The following GFOD1 variants were observed in gnomAD, a reference collection of about 807,000 sequenced individuals.
GFOD1 encodes Gfo/Idh/MocA-like oxidoreductase domain containing 1, also known as glucose-fructose oxidoreductase domain-containing protein 1.
In GFOD1, 9 loss-of-function variants were observed where a neutral mutation model predicts 25.4. The ratio of observed to expected loss-of-function variants is 0.35; its 90% CI spans 0.21 to 0.62. The LOEUF is 0.62. Ranked by LOEUF, GFOD1 falls within the 20% of genes least tolerant of loss-of-function variation. The pLI, the probability that GFOD1 is intolerant of heterozygous loss-of-function variation, is 0.72. For synonymous variants in GFOD1, 253 were observed against 245.6 expected (o/e 1.03, Z -0.28); for missense variants, 403 against 556.9 (o/e 0.72, Z 2.78).
intron 1 of GFOD1, among the ~76,000 whole-genome samples, chr6:13,435,679 G>A (rs1425591912): frequency 6.6e-6 from 1 of 152,194 alleles, no homozygotes; most frequent in Non-Finnish European, 1.5e-5. Flanking sequence ...TCCAAACCAT[G>A]CAATGACTCT....
chr6:13,427,851 C>T (rs553159551), intron 1 of GFOD1, among the ~76,000 whole-genome samples: 4 of 152,182 alleles, frequency 2.6e-5, no homozygotes, highest in Admixed American at 6.5e-5. Context: ...CCAGCCTCTA[C>T]GGAATCTTTA....
At chr6:13,469,668 C>T in intron 1 of GFOD1, 1 of 1,172,234 alleles carries the variant, frequency 8.5e-7, no homozygotes. Context: ...CAAAGACCTA[C>T]AGTTATCTTA....
chr6:13,375,909 T>C (rs1041666586), intron 1 of GFOD1, among the ~76,000 whole-genome samples: 3 of 152,208 alleles, frequency 2.0e-5, no homozygotes, highest in African/African-American at 7.2e-5. Flanking sequence ...GTAAATCCCA[T>C]ACATCTCCAT....
At chr6:13,424,506 A>G (rs1456005198) in intron 1 of GFOD1, among the ~76,000 whole-genome samples, 8 of 152,180 alleles carry the variant, frequency 5.3e-5, no homozygotes, top group Non-Finnish European at 2.9e-5. Context: ...TTTAATACTT[A>G]CCCTAAATAA....
intron 1 of GFOD1, among the ~76,000 whole-genome samples, chr6:13,400,530 CTCCGTTTCGAGTTTA>C (rs1440091827): frequency 6.6e-6 from 1 of 152,216 alleles, no homozygotes; most frequent in Non-Finnish European, 1.5e-5. Context: ...CAGGTAGAAC[CTCCGTTTCGAGTTTA>C]TCCTTTTTGA....
At chr6:13,399,936 C>T (rs1227810026) in intron 1 of GFOD1, among the ~76,000 whole-genome samples, 1 of 152,204 alleles carries the variant, frequency 6.6e-6, no homozygotes, top group African/African-American at 2.4e-5. Context: ...GAAGGGTGAT[C>T]TGATGTCTCT....
At position 13,360,192 on chromosome 6, in the gene GFOD1, A is replaced by C; in HGVS notation, c.*4551T>G. ...AAAGATGTGGGTGGCCTTGACCATC[A>C]CTCTCTGTTATGTAAAACAAAAGGA... On this transcript the variant is annotated 3_prime_UTR_variant, in exon 2 of 2. Transcript: ENST00000379287. 6.4e-6 allele frequency: 1 copy of C among 157,430 alleles called. No homozygotes were observed. The highest frequency in any genetic ancestry group is 1.9e-4 in the East Asian group (1 of 5,280). 9.8% of individuals were successfully genotyped at this position (157,430 alleles called of 1,614,324 possible).
chr6:13,472,999 T>C (rs1758541431), intron 1 of GFOD1, among the ~76,000 whole-genome samples: 1 of 152,146 alleles, frequency 6.6e-6, no homozygotes, highest in Admixed American at 6.5e-5. Flanking sequence ...GAGCTCTCAC[T>C]TCTGAATGCT....
In GFOD1 at chr6:13,486,918, T is replaced by G; in HGVS notation, c.-28A>C. ...CTGCTCAGAGCCGCCTGGTTCTGCT[T>G]CTGCTCGGATCTCCAGTCCAACGCG... On this transcript the variant is annotated 5_prime_UTR_variant, in exon 1 of 2. Coordinates refer to ENST00000379287, the MANE Select transcript of GFOD1 (RefSeq NM_018988.4). 1 of 1,597,168 alleles carries G rather than the reference T, an allele frequency of 6.3e-7. No homozygotes were observed. Among genetic ancestry groups the G allele is most frequent in the Admixed American group, 1.7e-5 (1 of 59,784 alleles).
At chr6:13,388,349 C>T (rs1584620186) in intron 1 of GFOD1, among the ~76,000 whole-genome samples, 1 of 152,190 alleles carries the variant, frequency 6.6e-6, no homozygotes, top group African/African-American at 2.4e-5. Context: ...CATCATGCTA[C>T]CTGACTTCAA....
At chr6:13,444,009 G>A (rs1234046685) in intron 1 of GFOD1, among the ~76,000 whole-genome samples, 1 of 151,892 alleles carries the variant, frequency 6.6e-6, no homozygotes, top group African/African-American at 2.4e-5. Context: ...TCCCACTACG[G>A]GTATACCCAG....
rs117831104 is a variant in GFOD1 at position 13,404,880 on chromosome 6, G to A, written c.254-39218C>T. ...TCCTCTGTGCCAAATTCCACCTTTG[G>A]GTCAAATTTCACCATTGCTTTATGA... On this transcript the variant is annotated intron_variant, in intron 1 of 1. Transcript: ENST00000379287. Among the ~76,000 whole-genome samples, 20 of 152,124 alleles carry A rather than the reference G, an allele frequency of 1.3e-4. No individual in the cohort carries two copies. The East Asian group carries it at 3.9e-3, about 29-fold the overall frequency.
rs146880137 is a variant in GFOD1, at chr6:13,368,380, GAGATA to G, written c.254-2723_254-2719del. Among the ~76,000 whole-genome samples the G allele has an allele frequency of 1.6e-3, 240 of 152,350 alleles. 2 individuals are homozygous for G. The highest frequency in any genetic ancestry group is 5.5e-3 in the African/African-American group (228 of 41,588). ...AGATGAGGACTGAGGCTCCGGCAGAGAGATAAGATAACATTGGTTTGTATCGCCAA... is the reference window on the plus strand; with the variant it reads ...AGATGAGGACTGAGGCTCCGGCAGAGAGATAACATTGGTTTGTATCGCCAA... On this transcript the variant is annotated intron_variant, in intron 1 of 1. Coordinates refer to ENST00000379287, the MANE Select transcript of GFOD1 (RefSeq NM_018988.4).
intron 1 of GFOD1, among the ~76,000 whole-genome samples, chr6:13,435,619 C>T (rs1258014409): frequency 6.6e-6 from 1 of 152,200 alleles, no homozygotes; most frequent in South Asian, 2.1e-4. Flanking sequence ...GGTTGGTAAA[C>T]AGCTACTGCT....
chr6:13,470,499 C>G (rs956341750), intron 1 of GFOD1: 19 of 1,549,862 alleles, frequency 1.2e-5, no homozygotes, highest in Non-Finnish European at 1.7e-5. Flanking sequence ...AGAGCAGCAT[C>G]GTGGGGGGTA....
Position 13,365,157 on chromosome 6 carries a change from G to A in GFOD1, c.759C>T (p.Gly253=), listed in dbSNP as rs534804617. 1.9e-6 allele frequency: 3 copies of A among 1,613,646 alleles called. No homozygotes were observed. The South Asian group carries it at 3.3e-5, about 18-fold the overall frequency. Residue 253 remains glycine, a synonymous_variant, in exon 2 of 2, where the codon GGC becomes GGT. Transcript: ENST00000379287. The surrounding 1 kb of genome is among the most constrained non-coding windows in gnomAD (Gnocchi z 9.2). ...CCACGGCCAGCAGGCGCCCGGCTGAGCCCACCACAGTGACATCCTGCTTGA... is the reference window on the plus strand; with the variant it reads ...CCACGGCCAGCAGGCGCCCGGCTGAACCCACCACAGTGACATCCTGCTTGA... ...GEFKQDVTVV[G]SAGRLLAVGT...
At chr6:13,374,855 G>A (rs1785228432) in intron 1 of GFOD1, among the ~76,000 whole-genome samples, 1 of 144,556 alleles carries the variant, frequency 6.9e-6, no homozygotes, top group Admixed American at 7.5e-5. Flanking sequence ...CAATTCTCCT[G>A]TCTCAGCCTC....
At chr6:13,466,804 G>A (rs1016878391) in intron 1 of GFOD1, among the ~76,000 whole-genome samples, 1 of 152,104 alleles carries the variant, frequency 6.6e-6, no homozygotes, top group Non-Finnish European at 1.5e-5. Context: ...CCACTGCTTT[G>A]CTAGCTTGAC....
rs1309834235 is a variant in GFOD1 at position 13,360,630 on chromosome 6, G to A, written c.*4113C>T. The A allele has an allele frequency of 2.3e-6, 1 of 443,276 alleles. No individual in the cohort carries two copies. The highest frequency in any genetic ancestry group is 4.6e-6 in the Non-Finnish European group (1 of 215,994). 27.5% of individuals were successfully genotyped at this position (443,276 alleles called of 1,614,324 possible). ...AACATAGGAAGTCAATTTTAAAAAA[G>A]GCTGAGTGATATTTCCATTTTGGAA... On this transcript the variant is annotated 3_prime_UTR_variant, in exon 2 of 2. Coordinates refer to ENST00000379287, the MANE Select transcript of GFOD1 (RefSeq NM_018988.4).
Sources: gnomAD v4.1 joint callset for allele counts (sites outside exome capture counted in the v4.1 genomes callset) on GRCh38, gnomAD v4.1.1 for gene constraint, Gnocchi (gnomAD v3.1) non-coding constraint, MANE v1.5 for transcripts, NCBI Gene and HGNC (gene_info 2026-07-23, HGNC 2026-07-21) for gene names.